The following KNTC1 variants were observed in gnomAD, a reference collection of about 807,000 sequenced individuals.
KNTC1 encodes the protein kinetochore-associated protein 1.
Under a neutral mutation model 314.4 loss-of-function variants are expected in KNTC1, and 253 were observed. The observed-to-expected ratio is 0.80, with a 90% CI of 0.73 to 0.89. The LOEUF (loss-of-function observed/expected upper bound fraction) is 0.89. Ranked by LOEUF, KNTC1 falls within the 40% of genes least tolerant of loss-of-function variation. The probability of loss-of-function intolerance (pLI) is 0.00; values close to 1 mark genes in which losing one functional copy is unlikely to be tolerated. For synonymous variants in KNTC1, 901 were observed against 901.4 expected, an observed-to-expected ratio of 1.00 and a Z score of 0.01; for missense variants, 2,475 against 2,572.9, an observed-to-expected ratio of 0.96 and a Z score of 0.82.
intron 33 of KNTC1, among the ~76,000 whole-genome samples, chr12:122,581,351 C>A (rs1965414159): frequency 6.6e-6 from 1 of 151,620 alleles, no homozygotes; most frequent in African/African-American, 2.4e-5. Flanking sequence ...AGGCATGTGC[C>A]ACCAAGCCCG....
At chr12:122,579,317 GC>G (rs1965245003) in intron 31 of KNTC1, among the ~76,000 whole-genome samples, 1 of 151,802 alleles carries the variant, frequency 6.6e-6, no homozygotes, top group Admixed American at 6.6e-5. Flanking sequence ...GCCTGCCTCG[GC>G]CTCCCAAAGT....
intron 59 of KNTC1, among the ~76,000 whole-genome samples, chr12:122,618,947 T>C (rs1040827081): frequency 6.6e-6 from 1 of 151,460 alleles, no homozygotes; most frequent in African/African-American, 2.4e-5. Context: ...CACGCCCGGC[T>C]ATTATTTGTA....
chr12:122,588,585 A>G (rs1184370767), intron 39 of KNTC1, 127 bp from the exon 40 acceptor site: 2 of 697,812 alleles, frequency 2.9e-6, no homozygotes, highest in Non-Finnish European at 4.4e-6. Context: ...TTCTAGCACT[A>G]TAGGTTAAAT....
chr12:122,542,492 G>A (rs111764255), intron 6 of KNTC1, among the ~76,000 whole-genome samples: 194 of 152,282 alleles, frequency 1.3e-3, no homozygotes, highest in African/African-American at 4.5e-3. Context: ...CAGGGCTGGC[G>A]TGGTGGCTCA....
intron 1 of KNTC1, chr12:122,527,817 A>G (rs1960856158): frequency 6.6e-6 from 1 of 152,194 alleles, no homozygotes. Context: ...GTTCCGCCTA[A>G]GTTTTGCGTA....
In KNTC1 at chr12:122,596,284, T is replaced by C. The variant is rs573733904; in HGVS notation, c.4356-1447T>C. ...TTTTAGTAGAGACCGGGTTTCACCA[T>C]GTTACCTAGGCTGGTCTTGAACTCC... On this transcript the variant is annotated intron_variant, in intron 43 of 63. Coordinates refer to ENST00000333479, the MANE Select transcript of KNTC1 (RefSeq NM_014708.6). 7.0e-4 allele frequency among the ~76,000 whole-genome samples: 106 copies of C among 152,020 alleles called. 1 individual carries two copies. Among genetic ancestry groups the C allele is most frequent in the African/African-American group, 2.5e-3 (103 of 41,496 alleles).
At chr12:122,544,371 C>A (rs61585633) in intron 8 of KNTC1, 102 bp downstream of exon 8, 51 of 608,058 alleles carry the variant, frequency 8.4e-5, no homozygotes, top group South Asian at 1.4e-4. Flanking sequence ...AACATATAAC[C>A]GAAACAAGGA....
rs1249524226 is a variant in KNTC1 at position 122,624,588 on chromosome 12, G to A, written c.6516-10G>A. 1 of 1,604,102 alleles carries A rather than the reference G, an allele frequency of 6.2e-7. No homozygotes were observed. Among genetic ancestry groups the A allele is most frequent in the Non-Finnish European group, 8.5e-7 (1 of 1,173,158 alleles). On this transcript the variant is annotated splice_polypyrimidine_tract_variant and intron_variant, in intron 62 of 63. Coordinates refer to ENST00000333479, the MANE Select transcript of KNTC1 (RefSeq NM_014708.6). ...TGGCCTAACACTTCTTTTTCTTTTT[G>A]ATTTTGTAGTTTAGATGAAGCTTCA... is the stretch of plus-strand genomic sequence containing the variant.
chr12:122,559,239 C>T (rs958274995), intron 18 of KNTC1, among the ~76,000 whole-genome samples: 4 of 151,830 alleles, frequency 2.6e-5, no homozygotes, highest in African/African-American at 9.7e-5. Context: ...ACCTGTAGTC[C>T]CAGGAGGCTG....
rs1260072673 is a variant in KNTC1, at chr12:122,598,298, C to T, written c.4563+360C>T. On this transcript the variant is annotated intron_variant, in intron 44 of 63. Transcript: ENST00000333479. ...TAAACTAAATATACTCTTCTGTGAC[C>T]CTCTTTTTTCACTTAACATATGGTC... 3.3e-5 allele frequency among the ~76,000 whole-genome samples: 5 copies of T among 151,992 alleles called. No homozygotes were observed. In the East Asian group the frequency reaches 9.6e-4, roughly 29 times the overall value.
chr12:122,622,193 T>C (rs1874511994), intron 61 of KNTC1, among the ~76,000 whole-genome samples: 1 of 152,218 alleles, frequency 6.6e-6, no homozygotes. Flanking sequence ...CCTTAAGTGC[T>C]TTTAATTGAA....
At chr12:122,552,353 G>T (rs1185904690) in intron 16 of KNTC1, among the ~76,000 whole-genome samples, 1 of 152,008 alleles carries the variant, frequency 6.6e-6, no homozygotes, top group Non-Finnish European at 1.5e-5. Context: ...AGGTTATATG[G>T]GCAGCAGAGT....
intron 24 of KNTC1, among the ~76,000 whole-genome samples, chr12:122,572,282 C>CT (rs1299297194): frequency 6.6e-6 from 1 of 151,932 alleles, no homozygotes; most frequent in African/African-American, 2.4e-5. Flanking sequence ...GTAGTCCTAG[C>CT]TATTTGAGAG....
Position 122,587,810 on chromosome 12 carries a change from G to T in KNTC1, c.3830G>T (p.Gly1277Val). ...QWELALRFVV[G>V]SFGTCLQHSV... ...GAGCTAGCCCTAAGATTTGTGGTTG[G>T]TTCATTTGGTACCTGTCTTCAGCAC... Residue 1277 changes from glycine to valine, a missense_variant, in exon 39 of 64, where the codon GGT becomes GTT. By Grantham distance (109) the Gly-to-Val change is moderately radical. Coordinates refer to ENST00000333479, the MANE Select transcript of KNTC1 (RefSeq NM_014708.6). 1 of 1,613,858 alleles carries T rather than the reference G, an allele frequency of 6.2e-7. No homozygotes were observed. Among genetic ancestry groups the T allele is most frequent in the Non-Finnish European group, 8.5e-7 (1 of 1,179,844 alleles).
intron 6 of KNTC1, among the ~76,000 whole-genome samples, chr12:122,543,130 C>G (rs552727335): frequency 6.6e-6 from 1 of 152,114 alleles, no homozygotes; most frequent in Non-Finnish European, 1.5e-5. Context: ...CCAGGCTGGT[C>G]TCGAACTCCT....
At chr12:122,607,250 G>T (rs1220043992) in intron 51 of KNTC1, among the ~76,000 whole-genome samples, 1 of 152,148 alleles carries the variant, frequency 6.6e-6, no homozygotes, top group Non-Finnish European at 1.5e-5. Context: ...TTTTAGTAGA[G>T]ATGGGGTTTC....
intron 43 of KNTC1, among the ~76,000 whole-genome samples, chr12:122,594,901 G>C (rs1020604570): frequency 6.6e-6 from 1 of 152,048 alleles, no homozygotes; most frequent in Admixed American, 6.6e-5. Flanking sequence ...TTCTTTATTT[G>C]AGACGGAGTC....
chr12:122,592,085 G>C (rs1287493146), intron 42 of KNTC1, among the ~76,000 whole-genome samples: 1 of 152,230 alleles, frequency 6.6e-6, no homozygotes, highest in South Asian at 2.1e-4. Flanking sequence ...GGAGTTCCGG[G>C]TGGATGTGGG....
intron 59 of KNTC1, among the ~76,000 whole-genome samples, chr12:122,619,565 A>T (rs1371540009): frequency 1.3e-5 from 2 of 151,810 alleles, no homozygotes; most frequent in African/African-American, 2.4e-5. Flanking sequence ...GGCGCCCACC[A>T]CCATGCCCGG....
Sources: gnomAD v4.1 joint callset for allele counts (sites outside exome capture counted in the v4.1 genomes callset) on GRCh38, gnomAD v4.1.1 for gene constraint, MANE v1.5 for transcripts, NCBI Gene and HGNC (gene_info 2026-07-23, HGNC 2026-07-21) for gene names.